Variants in NKAIN3 observed in about 807,000 individuals in gnomAD.
NKAIN3 encodes the protein sodium/potassium-transporting ATPase subunit beta-1-interacting protein 3.
NKAIN3 carries 25 observed loss-of-function variants against 30.2 expected under a neutral mutation model. The observed-to-expected ratio is 0.83, with a 90% CI of 0.60 to 1.16. The LOEUF is 1.16. Among genes scored for constraint, NKAIN3 ranks in the 50% most tolerant of loss-of-function variants. The pLI, the probability that NKAIN3 is intolerant of heterozygous loss-of-function variation, is 0.00. For missense variants in NKAIN3, 225 were observed against 254.1 expected (o/e 0.89, Z 0.78); for synonymous variants, 91 against 89.6 (o/e 1.02, Z -0.09).
Position 62,929,647 on chromosome 8 carries a change from T to C in NKAIN3, c.532+11134T>C, listed in dbSNP as rs867539981. On this transcript the variant is annotated intron_variant, in intron 5 of 6. Transcript: ENST00000623646. Reference sequence around the variant, plus strand: ...AGGCTTTTCTGCCCAGAAAATTCTATTAATATCTACTCAGGGTTTTAAACC... The same window carrying C: ...AGGCTTTTCTGCCCAGAAAATTCTACTAATATCTACTCAGGGTTTTAAACC... Among the ~76,000 whole-genome samples the C allele has an allele frequency of 8.5e-5, 13 of 152,284 alleles. No homozygotes were observed. In the East Asian group the frequency reaches 1.4e-3, roughly 16 times the overall value.
At chr8:62,986,983 A>G (rs556360231), downstream of NKAIN3, among the ~76,000 whole-genome samples, 117 of 152,234 alleles carry the variant, frequency 7.7e-4, no homozygotes, top group African/African-American at 2.6e-3. Context: ...TCATGCTTAT[A>G]TGATTTGGGA....
chr8:62,780,685 T>A (rs1049325144), intron 4 of NKAIN3, among the ~76,000 whole-genome samples: 1 of 152,022 alleles, frequency 6.6e-6, no homozygotes, highest in African/African-American at 2.4e-5. Flanking sequence ...AAGACAAAAG[T>A]CATATGATAA....
intron 2 of NKAIN3, 51 bp from the exon 3 acceptor site, chr8:62,589,663 C>G: frequency 1.3e-6 from 1 of 778,752 alleles, no homozygotes; most frequent in Non-Finnish European, 2.2e-6. Context: ...ATATACATGC[C>G]TTTCATCTCC....
intron 3 of NKAIN3, among the ~76,000 whole-genome samples, chr8:62,597,146 A>C (rs1230433573): frequency 6.6e-6 from 1 of 152,136 alleles, no homozygotes; most frequent in African/African-American, 2.4e-5. Context: ...ACGGGTTGCA[A>C]GCTGGTCCCT....
chr8:62,387,177 T>A (rs1817455617), intron 1 of NKAIN3, among the ~76,000 whole-genome samples: 1 of 152,062 alleles, frequency 6.6e-6, no homozygotes, highest in African/African-American at 2.4e-5. Flanking sequence ...TTTTGTCCCA[T>A]TAAAATCAGG....
intron 1 of NKAIN3, among the ~76,000 whole-genome samples, chr8:62,515,393 C>T (rs917454071): frequency 1.3e-5 from 2 of 151,988 alleles, no homozygotes; most frequent in Non-Finnish European, 2.9e-5. Flanking sequence ...CACATTTTCT[C>T]CTCCTTTCCT....
chr8:62,571,962 C>G (rs1403489002), intron 1 of NKAIN3, among the ~76,000 whole-genome samples: 3 of 152,124 alleles, frequency 2.0e-5, no homozygotes, highest in Non-Finnish European at 4.4e-5. Context: ...CTGACATGCC[C>G]TGGAGACATT....
In NKAIN3 at chr8:62,971,641, A is replaced by AGG. The variant is rs1190329923; in HGVS notation, c.*6235_*6236insGG. On this transcript the variant is annotated 3_prime_UTR_variant, in exon 7 of 7. Transcript: ENST00000623646. ...GAGCCAAACCTTGTCTCAAAAAAAA[A>AGG]GCGGGGGGGGCTTCATTTATTAGTA... Among the ~76,000 whole-genome samples, 42 of 135,774 alleles carry AGG rather than the reference A, an allele frequency of 3.1e-4. 1 individual carries two copies. The highest frequency in any genetic ancestry group is 1.3e-3 in the African/African-American group (41 of 31,114). The allele number at this position is 135,774 out of a possible 152,430, so 89.1% of individuals were successfully genotyped here. A position where few individuals can be genotyped will look rare whatever the true frequency, so the allele number is the denominator to read the frequency against.
chr8:62,798,997 T>A (rs1025946013), intron 4 of NKAIN3, among the ~76,000 whole-genome samples: 1 of 152,074 alleles, frequency 6.6e-6, no homozygotes, highest in African/African-American at 2.4e-5. Flanking sequence ...AGGACCAAGG[T>A]GTCCATCAAA....
At chr8:62,988,095 T>C (rs565310080), downstream of NKAIN3, among the ~76,000 whole-genome samples, 124 of 152,350 alleles carry the variant, frequency 8.1e-4, 4 homozygotes, top group Admixed American at 2.0e-4. Flanking sequence ...ACTCCATGTC[T>C]CACGTCCAGG....
In NKAIN3 at chr8:62,261,868, T is replaced by A. The variant is rs112016785; in HGVS notation, c.54+12741T>A. Among the ~76,000 whole-genome samples the A allele has an allele frequency of 3.9e-3, 590 of 152,332 alleles. 2 individuals are homozygous for A. Among genetic ancestry groups the A allele is most frequent in the South Asian group, 0.01 (50 of 4,828 alleles). ...TATTTTCATGAGGCAGATATTAATA[T>A]ATTCTCTTTCACAGATGAGAAAACT... is the stretch of plus-strand genomic sequence containing the variant. On this transcript the variant is annotated intron_variant, in intron 1 of 6. Transcript: ENST00000623646.
At chr8:62,652,923 C>G (rs1026392021) in intron 3 of NKAIN3, among the ~76,000 whole-genome samples, 8 of 152,100 alleles carry the variant, frequency 5.3e-5, no homozygotes, top group Admixed American at 2.6e-4. Flanking sequence ...ATCTGAACTA[C>G]TATGCATTGA....
rs927987155 is a variant in NKAIN3 at position 62,870,515 on chromosome 8, G to A, written c.472-47938G>A. Among the ~76,000 whole-genome samples the A allele has an allele frequency of 6.5e-4, 86 of 132,532 alleles. 2 individuals are homozygous for A. Among genetic ancestry groups the A allele is most frequent in the African/African-American group, 1.2e-3 (41 of 34,502 alleles). 86.9% of individuals were successfully genotyped at this position (132,532 alleles called of 152,430 possible). ...TAAGTACAATATATACAATATGTAC[G>A]TATATATGTATATATGTACAATATG... On this transcript the variant is annotated intron_variant, in intron 4 of 6. Coordinates refer to ENST00000623646, the MANE Select transcript of NKAIN3 (RefSeq NM_001304533.3).
At chr8:62,699,101 C>T (rs115850439) in intron 3 of NKAIN3, among the ~76,000 whole-genome samples, 3,025 of 152,128 alleles carry the variant, frequency 0.02, 101 homozygotes, top group African/African-American at 0.068. Context: ...TGACCTTTCT[C>T]GGGATATTTA....
At chr8:62,512,883 G>C (rs1406058162) in intron 1 of NKAIN3, among the ~76,000 whole-genome samples, 1 of 152,040 alleles carries the variant, frequency 6.6e-6, no homozygotes, top group African/African-American at 2.4e-5. Flanking sequence ...AACAGATGGT[G>C]CATTACCAAC....
intron 3 of NKAIN3, among the ~76,000 whole-genome samples, chr8:62,644,812 A>T (rs922625335): frequency 2.0e-5 from 3 of 152,186 alleles, no homozygotes; most frequent in Non-Finnish European, 4.4e-5. Context: ...GTTAAGCACA[A>T]AACAGATGAG....
chr8:62,724,312 G>T (rs1055358079), intron 3 of NKAIN3, among the ~76,000 whole-genome samples: 1 of 151,980 alleles, frequency 6.6e-6, no homozygotes. Context: ...TTTTGATACA[G>T]GCATACAATG....
rs185675907 is a variant in NKAIN3, at chr8:62,656,100, G to A, written c.273+66306G>A. Among the ~76,000 whole-genome samples the A allele has an allele frequency of 3.4e-4, 52 of 152,200 alleles. 1 individual carries two copies. The highest frequency in any genetic ancestry group is 6.5e-4 in the Non-Finnish European group (44 of 67,994). On this transcript the variant is annotated intron_variant, in intron 3 of 6. Coordinates refer to ENST00000623646, the MANE Select transcript of NKAIN3 (RefSeq NM_001304533.3). The stretch of plus-strand genomic sequence containing the variant: ...AAGGAGAAGGTGGAAGCTGAGAGAA[G>A]TGCTGTGGCAGTGGCCTCGCCTTCA...
At chr8:62,370,983 A>G (rs1295647214) in intron 1 of NKAIN3, among the ~76,000 whole-genome samples, 1 of 151,996 alleles carries the variant, frequency 6.6e-6, no homozygotes, top group Non-Finnish European at 1.5e-5. Context: ...TAAATCTTAG[A>G]GAACATTTTT....
Sources: gnomAD v4.1 joint callset for allele counts (sites outside exome capture counted in the v4.1 genomes callset) on GRCh38, gnomAD v4.1.1 for gene constraint, MANE v1.5 for transcripts, NCBI Gene and HGNC (gene_info 2026-07-23, HGNC 2026-07-21) for gene names.